The following CLCN3 variants were observed in gnomAD, a reference collection of about 807,000 sequenced individuals.
CLCN3 encodes the protein Cl-/H+ antiporter 3, also known as H(+)/Cl(-) exchange transporter 3.
Under a neutral mutation model 83.4 loss-of-function variants are expected in CLCN3, and 16 were observed. The observed-to-expected ratio is 0.19, with a 90% CI of 0.13 to 0.29. CLCN3 has a LOEUF of 0.29. Ranked by LOEUF, CLCN3 falls within the 10% of genes least tolerant of loss-of-function variation. The pLI is 1.00. For missense variants in CLCN3, 544 were observed against 1,006.0 expected (o/e 0.54, Z 6.21); for synonymous variants, 322 against 346.2 (o/e 0.93, Z 0.78).
chr4:169,652,117 A>G (rs1469497843), intron 2 of CLCN3, among the ~76,000 whole-genome samples: 1 of 152,214 alleles, frequency 6.6e-6, no homozygotes. Context: ...CAAAGCAAGC[A>G]TCTTTGTAGC....
intron 9 of CLCN3, 84 bp downstream of exon 9, chr4:169,697,818 A>C (rs1338506529): frequency 1.2e-6 from 1 of 865,780 alleles, no homozygotes; most frequent in African/African-American, 1.7e-5. Context: ...GTTGTTTCAT[A>C]AATGACTGAA....
chr4:169,690,396 T>C, intron 5 of CLCN3, 134 bp from the exon 6 acceptor site: 1 of 862,264 alleles, frequency 1.2e-6, no homozygotes, highest in South Asian at 1.8e-5. Flanking sequence ...TCCACCCGCC[T>C]CAACCTCCCC....
chr4:169,696,164 A>G (rs552493995), intron 8 of CLCN3, among the ~76,000 whole-genome samples: 2 of 152,202 alleles, frequency 1.3e-5, no homozygotes, highest in African/African-American at 2.4e-5. Context: ...ATCTTGGCTC[A>G]CTGCAACCTC....
chr4:169,678,018 T>C (rs955635371), intron 2 of CLCN3, among the ~76,000 whole-genome samples: 2 of 152,192 alleles, frequency 1.3e-5, no homozygotes, highest in African/African-American at 4.8e-5. Context: ...ACCCGCCTGA[T>C]GACAAGGCTG....
chr4:169,641,813 A>G (rs1730421243), intron 2 of CLCN3, among the ~76,000 whole-genome samples: 1 of 152,222 alleles, frequency 6.6e-6, no homozygotes, highest in Non-Finnish European at 1.5e-5. Flanking sequence ...TGGCATCAAC[A>G]TGAAACTAGC....
chr4:169,636,404 G>T (rs1773503616), intron 2 of CLCN3, among the ~76,000 whole-genome samples: 1 of 152,130 alleles, frequency 6.6e-6, no homozygotes, highest in Admixed American at 6.5e-5. Flanking sequence ...GGAAATTGAT[G>T]AATTCCTACA....
intron 12 of CLCN3, among the ~76,000 whole-genome samples, chr4:169,713,810 C>T (rs1733316837): frequency 6.6e-6 from 1 of 152,186 alleles, no homozygotes; most frequent in Non-Finnish European, 1.5e-5. Context: ...TCTCCTTTAA[C>T]AAATGCTTTG....
At chr4:169,649,952 G>A (rs996853360) in intron 2 of CLCN3, among the ~76,000 whole-genome samples, 1 of 152,080 alleles carries the variant, frequency 6.6e-6, no homozygotes, top group Non-Finnish European at 1.5e-5. Context: ...GGGCATGGTG[G>A]TGCACGACTG....
At chr4:169,629,050 A>G (rs1773302746) in intron 1 of CLCN3, among the ~76,000 whole-genome samples, 1 of 152,234 alleles carries the variant, frequency 6.6e-6, no homozygotes, top group South Asian at 2.1e-4. Context: ...CCCATATCAT[A>G]TCATTTATAT....
intron 1 of CLCN3, among the ~76,000 whole-genome samples, chr4:169,625,733 C>G (rs1363966530): frequency 1.3e-5 from 2 of 152,226 alleles, no homozygotes; most frequent in South Asian, 4.1e-4. Flanking sequence ...TTCCCTATAT[C>G]TTATTAATTA....
chr4:169,644,405 A>T (rs1730512226), intron 2 of CLCN3, among the ~76,000 whole-genome samples: 1 of 151,740 alleles, frequency 6.6e-6, no homozygotes, highest in African/African-American at 2.4e-5. Flanking sequence ...TTACAGATGT[A>T]CACCACCACG....
chr4:169,708,179 G>T (rs1242836992), intron 11 of CLCN3, among the ~76,000 whole-genome samples: 1 of 152,054 alleles, frequency 6.6e-6, no homozygotes, highest in African/African-American at 2.4e-5. Flanking sequence ...TTACCTCTGT[G>T]GCCATTGCAA....
intron 2 of CLCN3, among the ~76,000 whole-genome samples, chr4:169,662,363 G>A (rs565485208): frequency 2.6e-5 from 4 of 152,204 alleles, no homozygotes; most frequent in African/African-American, 9.6e-5. Flanking sequence ...TTAGGCTTTC[G>A]TGACTGTACT....
At chr4:169,699,978 G>A (rs1032003438) in intron 9 of CLCN3, among the ~76,000 whole-genome samples, 14 of 152,104 alleles carry the variant, frequency 9.2e-5, no homozygotes, top group African/African-American at 3.4e-4. Flanking sequence ...AGCTGTTAAA[G>A]CTCTTTTTCC....
intron 9 of CLCN3, among the ~76,000 whole-genome samples, chr4:169,698,038 T>C (rs773816829): frequency 6.6e-6 from 1 of 152,190 alleles, no homozygotes; most frequent in Non-Finnish European, 1.5e-5. Flanking sequence ...TTCATATAGT[T>C]GTTATTAGAC....
chr4:169,625,911 C>G (rs905786748), intron 1 of CLCN3, among the ~76,000 whole-genome samples: 5 of 152,140 alleles, frequency 3.3e-5, no homozygotes, highest in Non-Finnish European at 7.3e-5. Flanking sequence ...TTTCTCCCCC[C>G]ACAGCAACCA....
chr4:169,678,955 G>T (rs1731793719), intron 2 of CLCN3, among the ~76,000 whole-genome samples: 1 of 152,282 alleles, frequency 6.6e-6, no homozygotes, highest in Admixed American at 6.5e-5. Flanking sequence ...TGGCGGCCAG[G>T]CAGAGGGGCT....
chr4:169,656,195 T>A (rs966704170), intron 2 of CLCN3, among the ~76,000 whole-genome samples: 1 of 152,206 alleles, frequency 6.6e-6, no homozygotes, highest in African/African-American at 2.4e-5. Context: ...CATGATGCTA[T>A]AAAGAAATAC....
In CLCN3 at chr4:169,620,786, A is replaced by C; in HGVS notation, c.-294A>C. ...GAGATTTTTATTTTTAATTTTGGGCAGAAGCAGGTTGACTCTAGGGATCTC... is the reference window on the plus strand; with the variant it reads ...GAGATTTTTATTTTTAATTTTGGGCCGAAGCAGGTTGACTCTAGGGATCTC... On this transcript the variant is annotated 5_prime_UTR_variant, in exon 1 of 13. Coordinates refer to ENST00000513761, the MANE Select transcript of CLCN3 (RefSeq NM_001829.4). 3 of 398,676 alleles carry C rather than the reference A, an allele frequency of 7.5e-6. No individual in the cohort carries two copies. Among genetic ancestry groups the C allele is most frequent in the Non-Finnish European group, 1.3e-5 (3 of 226,108 alleles). The allele number at this position is 398,676 out of a possible 1,614,324, so 24.7% of individuals were successfully genotyped here. A position where few individuals can be genotyped will look rare whatever the true frequency, so the allele number is the denominator to read the frequency against.
Sources: gnomAD v4.1 joint callset for allele counts (sites outside exome capture counted in the v4.1 genomes callset) on GRCh38, gnomAD v4.1.1 for gene constraint, MANE v1.5 for transcripts, NCBI Gene and HGNC (gene_info 2026-07-23, HGNC 2026-07-21) for gene names.